The following ABLIM2 variants were observed in gnomAD, a reference collection of about 807,000 sequenced individuals.
ABLIM2 encodes actin binding LIM protein family member 2.
A neutral mutation model predicts 97.7 loss-of-function variants in ABLIM2; 53 were observed. The observed-to-expected ratio is 0.54, with a 90% CI of 0.44 to 0.68. The LOEUF is 0.68. Among genes scored for constraint, ABLIM2 ranks in the 30% least tolerant of loss-of-function variants. ABLIM2 has a pLI of 0.00. For synonymous variants in ABLIM2, 361 were observed against 345.8 expected (o/e 1.04, Z -0.49); for missense variants, 835 against 867.2 (o/e 0.96, Z 0.47).
At chr4:8,151,411 C>T (rs960441733) in intron 1 of ABLIM2, among the ~76,000 whole-genome samples, 3 of 152,174 alleles carry the variant, frequency 2.0e-5, no homozygotes, top group South Asian at 2.1e-4. Flanking sequence ...CCCACAGACG[C>T]GAGGGACCCA....
At position 8,062,459 on chromosome 4, in the gene ABLIM2, G is replaced by A. The variant is rs1389136991; in HGVS notation, c.676-1405C>T. Among the ~76,000 whole-genome samples, 9 of 149,300 alleles carry A rather than the reference G, an allele frequency of 6.0e-5. No homozygotes were observed. In the South Asian group the frequency reaches 8.4e-4, roughly 14 times the overall value. ...CACTCTTTTTTTTTTTTTTTGAGACGGAGTCTCACTCTGTCGCCCTGGCTG... is the reference window on the plus strand; with the variant it reads ...CACTCTTTTTTTTTTTTTTTGAGACAGAGTCTCACTCTGTCGCCCTGGCTG... On this transcript the variant is annotated intron_variant, in intron 6 of 20. Coordinates refer to ENST00000447017, the MANE Select transcript of ABLIM2 (RefSeq NM_001130083.2).
intron 1 of ABLIM2, among the ~76,000 whole-genome samples, chr4:8,134,122 G>A (rs1372428314): frequency 6.6e-6 from 1 of 152,224 alleles, no homozygotes; most frequent in African/African-American, 2.4e-5. Flanking sequence ...AGCTGAAGAG[G>A]GGATGGAGGT....
intron 20 of ABLIM2, among the ~76,000 whole-genome samples, chr4:7,973,075 C>CTGTGTG (rs71175444): frequency 0.13 from 16,211 of 123,896 alleles, 1,630 homozygotes; most frequent in East Asian, 0.48. Flanking sequence ...GCTCCCCTTG[C>CTGTGTG]TGTGTGTGTG....
At chr4:8,014,474 G>A (rs1404725847) in intron 14 of ABLIM2, among the ~76,000 whole-genome samples, 1 of 152,220 alleles carries the variant, frequency 6.6e-6, no homozygotes, top group Non-Finnish European at 1.5e-5. Context: ...GAGGCAGAGG[G>A]AGGGAGAGAA....
intron 7 of ABLIM2, among the ~76,000 whole-genome samples, chr4:8,057,669 C>G (rs1283757545): frequency 1.3e-5 from 2 of 152,218 alleles, no homozygotes; most frequent in African/African-American, 4.8e-5. Flanking sequence ...ATACGGGCAT[C>G]TTAACAATTA....
chr4:8,141,866 G>T (rs1851030040), intron 1 of ABLIM2, among the ~76,000 whole-genome samples: 2 of 152,256 alleles, frequency 1.3e-5, no homozygotes, highest in South Asian at 4.1e-4. Context: ...GGGGCCAAAT[G>T]CTCCGCCTGC....
Position 8,007,436 on chromosome 4 carries a change from C to T in ABLIM2, c.1618+623G>A, listed in dbSNP as rs78613406. 5.4e-3 allele frequency: 5,322 copies of T among 985,538 alleles called. 26 individuals carry two copies. Among genetic ancestry groups the T allele is most frequent in the Admixed American group, 0.018 (298 of 16,288 alleles). The allele number at this position is 985,538 out of a possible 1,614,324, so 61.0% of individuals were successfully genotyped here. A position where few individuals can be genotyped will look rare whatever the true frequency, so the allele number is the denominator to read the frequency against. ...CCCAGCCCAGCTGAGACCCGCAGACCGCTTCTGGGAGGCACTGAGTGAGCA... is the reference window on the plus strand; with the variant it reads ...CCCAGCCCAGCTGAGACCCGCAGACTGCTTCTGGGAGGCACTGAGTGAGCA... On this transcript the variant is annotated intron_variant, in intron 16 of 20. Transcript: ENST00000447017.
chr4:8,049,795 C>T (rs1019885109), intron 8 of ABLIM2, among the ~76,000 whole-genome samples: 4 of 152,288 alleles, frequency 2.6e-5, no homozygotes, highest in Non-Finnish European at 5.9e-5. Flanking sequence ...GTGCCATGAT[C>T]TTGACTCACT....
At chr4:8,051,628 T>C (rs1796127385) in intron 8 of ABLIM2, among the ~76,000 whole-genome samples, 1 of 151,516 alleles carries the variant, frequency 6.6e-6, no homozygotes, top group Admixed American at 6.6e-5. Flanking sequence ...AAGGGGTCCT[T>C]GGGCAGTTTT....
intron 1 of ABLIM2, among the ~76,000 whole-genome samples, chr4:8,152,109 C>T (rs1713079225): frequency 6.6e-6 from 1 of 152,124 alleles, no homozygotes; most frequent in African/African-American, 2.4e-5. Flanking sequence ...CTGTGTGAGA[C>T]CCTCACCAAG....
intron 17 of ABLIM2, among the ~76,000 whole-genome samples, chr4:7,985,429 G>A (rs138067620): frequency 1.3e-5 from 2 of 152,140 alleles, no homozygotes; most frequent in Admixed American, 6.5e-5. Flanking sequence ...GGCCAAGGGG[G>A]AAGACTGGCT....
chr4:7,996,687 C>T lies in ABLIM2; in HGVS notation c.1619-3760G>A, dbSNP rs890095257. 1.3e-5 allele frequency among the ~76,000 whole-genome samples: 2 copies of T among 152,168 alleles called. No individual in the cohort carries two copies. The highest frequency in any genetic ancestry group is 2.9e-5 in the Non-Finnish European group (2 of 68,026). On this transcript the variant is annotated intron_variant, in intron 16 of 20. Coordinates refer to ENST00000447017, the MANE Select transcript of ABLIM2 (RefSeq NM_001130083.2). The surrounding 1 kb of genome is among the most constrained non-coding windows in gnomAD (Gnocchi z 4.5). ...CTTCTTTCCTTTCTGAAGTTCCAAG[C>T]CTTCTTCTATTATCATTTCCTTTCT...
rs115268614 is a variant in ABLIM2 at position 8,142,667 on chromosome 4, C to T, written c.10+16013G>A. Among the ~76,000 whole-genome samples the T allele has an allele frequency of 6.5e-3, 983 of 152,264 alleles. 13 individuals carry two copies. The highest frequency in any genetic ancestry group is 0.022 in the African/African-American group (927 of 41,548). On this transcript the variant is annotated intron_variant, in intron 1 of 20. Transcript: ENST00000447017. ...CATCCTTGATGTGTGCTCGCAGCCACGAGGTGGGCACAGAGGGGGACCAGG... is the reference window on the plus strand; with the variant it reads ...CATCCTTGATGTGTGCTCGCAGCCATGAGGTGGGCACAGAGGGGGACCAGG...
chr4:8,028,336 G>T (rs1269531935), intron 11 of ABLIM2, among the ~76,000 whole-genome samples: 1 of 152,210 alleles, frequency 6.6e-6, no homozygotes, highest in African/African-American at 2.4e-5. Context: ...CCCTTAGGAC[G>T]AGGAGCTCAA....
intron 14 of ABLIM2, among the ~76,000 whole-genome samples, chr4:8,010,068 A>G (rs977007820): frequency 6.6e-6 from 1 of 152,212 alleles, no homozygotes; most frequent in African/African-American, 2.4e-5. Context: ...AAATTACAGA[A>G]TGCAACCAGA....
intron 4 of ABLIM2, among the ~76,000 whole-genome samples, chr4:8,084,563 T>C (rs530063232): frequency 6.6e-6 from 1 of 152,316 alleles, no homozygotes; most frequent in South Asian, 2.1e-4. Context: ...CAAAGCCCCA[T>C]TCCTGGGCCT....
rs1381896463 is a variant in ABLIM2 at position 8,082,569 on chromosome 4, C to A, written c.455-1767G>T. On this transcript the variant is annotated intron_variant, in intron 4 of 20. Coordinates refer to ENST00000447017, the MANE Select transcript of ABLIM2 (RefSeq NM_001130083.2). The surrounding 1 kb of genome is among the most constrained non-coding windows in gnomAD (Gnocchi z 5.6). ...AACAATTAAAACAAACGAACACTCACAAAGCCGTTGGTCAAGCTCAGGATT... is the reference window on the plus strand; with the variant it reads ...AACAATTAAAACAAACGAACACTCAAAAAGCCGTTGGTCAAGCTCAGGATT... Among the ~76,000 whole-genome samples the A allele has an allele frequency of 6.6e-6, 1 of 152,236 alleles. No individual in the cohort carries two copies. Among genetic ancestry groups the A allele is most frequent in the Non-Finnish European group, 1.5e-5 (1 of 68,046 alleles).
At chr4:7,985,346 C>T (rs1371783623) in intron 17 of ABLIM2, among the ~76,000 whole-genome samples, 4 of 152,130 alleles carry the variant, frequency 2.6e-5, no homozygotes, top group African/African-American at 7.2e-5. Flanking sequence ...CTGAGCACAG[C>T]GCCTAGAACC....
At chr4:8,106,907 G>C (rs150292169) in intron 1 of ABLIM2, among the ~76,000 whole-genome samples, 1 of 152,348 alleles carries the variant, frequency 6.6e-6, no homozygotes, top group East Asian at 1.9e-4. Context: ...CCCATGCAGG[G>C]AGGGGCCCGT....
Sources: allele counts gnomAD v4.1 joint callset (sites outside exome capture counted in the v4.1 genomes callset), GRCh38; gene constraint gnomAD v4.1.1; non-coding constraint Gnocchi (gnomAD v3.1); transcripts MANE v1.5; gene names NCBI Gene and HGNC (gene_info 2026-07-23, HGNC 2026-07-21).